LPP: variants seen among roughly 807,000 people sequenced by gnomAD.
LPP encodes the protein LIM domain containing preferred translocation partner in lipoma.
In LPP, 38 loss-of-function variants were observed where a neutral mutation model predicts 60.4. That is an observed-to-expected ratio of 0.63 (90% CI 0.49 to 0.83). The LOEUF is 0.83. Among genes scored for constraint, LPP ranks in the 40% least tolerant of loss-of-function variants. LPP has a pLI of 0.00. For missense variants in LPP, 902 were observed against 783.6 expected, an observed-to-expected ratio of 1.15 and a Z score of -1.80; for synonymous variants, 328 against 290.8, an observed-to-expected ratio of 1.13 and a Z score of -1.30.
intron 8 of LPP, among the ~76,000 whole-genome samples, chr3:188,742,552 A>T (rs920062871): frequency 6.6e-6 from 1 of 152,112 alleles, no homozygotes; most frequent in Non-Finnish European, 1.5e-5. Context: ...CTCCACCCCT[A>T]AAAAAGACTG....
chr3:188,514,767 C>A (rs1816844743), intron 5 of LPP, among the ~76,000 whole-genome samples: 1 of 152,120 alleles, frequency 6.6e-6, no homozygotes, highest in Non-Finnish European at 1.5e-5. Flanking sequence ...GTTTTTCAGT[C>A]CAAACGCATA....
intron 2 of LPP, among the ~76,000 whole-genome samples, chr3:188,243,392 T>C (rs1725683639): frequency 6.6e-6 from 1 of 152,166 alleles, no homozygotes; most frequent in Non-Finnish European, 1.5e-5. Flanking sequence ...CTGTTGAGTA[T>C]TGATAGGAAA....
intron 4 of LPP, among the ~76,000 whole-genome samples, chr3:188,479,976 A>T (rs1034448533): frequency 2.6e-5 from 4 of 152,180 alleles, no homozygotes; most frequent in African/African-American, 7.2e-5. Flanking sequence ...TTTGTTTCAT[A>T]AAGGGCTAAG....
chr3:188,486,461 G>A (rs1013544799), intron 5 of LPP, among the ~76,000 whole-genome samples: 1 of 152,116 alleles, frequency 6.6e-6, no homozygotes, highest in African/African-American at 2.4e-5. Context: ...CAGGGAGGGG[G>A]TCAAGGCTTA....
At chr3:188,243,179 A>G (rs1236302666) in intron 2 of LPP, among the ~76,000 whole-genome samples, 10 of 152,206 alleles carry the variant, frequency 6.6e-5, no homozygotes, top group Admixed American at 5.9e-4. Flanking sequence ...CAACCTGACA[A>G]AAACTCCTAT....
intron 9 of LPP, among the ~76,000 whole-genome samples, chr3:188,863,999 A>T (rs938821307): frequency 6.6e-6 from 1 of 150,536 alleles, no homozygotes; most frequent in Admixed American, 6.6e-5. Context: ...GGAGCAAAAC[A>T]CAAGTCCTGG....
intron 6 of LPP, among the ~76,000 whole-genome samples, chr3:188,591,712 A>G (rs932329840): frequency 1.3e-5 from 2 of 152,178 alleles, no homozygotes; most frequent in Non-Finnish European, 2.9e-5. Flanking sequence ...CTGTCATTCT[A>G]CAATTGAGTT....
intron 3 of LPP, among the ~76,000 whole-genome samples, chr3:188,374,925 G>A (rs948886077): frequency 1.7e-4 from 26 of 152,046 alleles, no homozygotes; most frequent in Non-Finnish European, 3.2e-4. Context: ...AAGCGTTGTT[G>A]AATTTTGTCA....
intron 4 of LPP, among the ~76,000 whole-genome samples, chr3:188,477,389 G>A (rs375916898): frequency 6.6e-6 from 1 of 152,190 alleles, no homozygotes; most frequent in South Asian, 2.1e-4. Flanking sequence ...GAGAAGGGCA[G>A]AGTGGGACAG....
At chr3:188,512,212 C>A (rs1203534489) in intron 5 of LPP, among the ~76,000 whole-genome samples, 2 of 152,268 alleles carry the variant, frequency 1.3e-5, no homozygotes, top group South Asian at 4.1e-4. Flanking sequence ...CTTTTATCTG[C>A]ACATCCTCAT....
At chr3:188,708,543 T>A in intron 8 of LPP, 150 bp downstream of exon 8, 1 of 1,075,690 alleles carries the variant, frequency 9.3e-7, no homozygotes, top group Non-Finnish European at 1.4e-6. Context: ...TAAGTAATTG[T>A]AGGATTTGCA....
chr3:188,643,139 C>T (rs969367259), intron 7 of LPP, among the ~76,000 whole-genome samples: 1 of 152,206 alleles, frequency 6.6e-6, no homozygotes, highest in South Asian at 2.1e-4. Context: ...ATGTTTAGAG[C>T]TAGAAATTGA....
chr3:188,521,524 C>G (rs1818865774), intron 5 of LPP, among the ~76,000 whole-genome samples: 1 of 152,114 alleles, frequency 6.6e-6, no homozygotes, highest in Non-Finnish European at 1.5e-5. Flanking sequence ...AATCCTGTCT[C>G]TTTACTAATA....
chr3:188,709,388 G>T (rs1866146704), intron 8 of LPP: 3 of 151,958 alleles, frequency 2.0e-5, no homozygotes, highest in Admixed American at 2.0e-4. Context: ...ACAGAGCCTT[G>T]CTCTGTCACC....
rs989276270 is a variant in LPP at position 188,225,501 on chromosome 3, C to G, written c.-93C>G. The G allele has an allele frequency of 6.6e-6, 1 of 152,182 alleles. No individual in the cohort carries two copies. Among genetic ancestry groups the G allele is most frequent in the Non-Finnish European group, 1.5e-5 (1 of 68,032 alleles). The allele number at this position is 152,182 out of a possible 1,614,324, so 9.4% of individuals were successfully genotyped here. A position where few individuals can be genotyped will look rare whatever the true frequency, so the allele number is the denominator to read the frequency against. Reference sequence around the variant, plus strand: ...TTTCATTGTTCCACTGGACGCTCATCAGAGGGAAGATCTTTTTCCTCAATT... The same window carrying G: ...TTTCATTGTTCCACTGGACGCTCATGAGAGGGAAGATCTTTTTCCTCAATT... On this transcript the variant is annotated 5_prime_UTR_variant, in exon 2 of 12. It adds an upstream start codon to the 5' untranslated region. Coordinates refer to ENST00000617246, the MANE Select transcript of LPP (RefSeq NM_001375462.1).
intron 3 of LPP, among the ~76,000 whole-genome samples, chr3:188,348,871 T>G (rs1765097663): frequency 2.0e-5 from 3 of 149,046 alleles, no homozygotes; most frequent in Admixed American, 6.7e-5. Flanking sequence ...TACCATGCCT[T>G]GAGATAGCGG....
At chr3:188,177,990 C>T (rs1245082364) in intron 1 of LPP, among the ~76,000 whole-genome samples, 6 of 152,154 alleles carry the variant, frequency 3.9e-5, no homozygotes, top group African/African-American at 7.2e-5. Context: ...CTTTCTCATC[C>T]ATAGAGGTTT....
chr3:188,781,373 T>C (rs1432957200), intron 9 of LPP, among the ~76,000 whole-genome samples: 3 of 152,118 alleles, frequency 2.0e-5, no homozygotes, highest in Non-Finnish European at 4.4e-5. Context: ...CTTATAGTGG[T>C]CTTTCCAACA....
intron 5 of LPP, among the ~76,000 whole-genome samples, chr3:188,497,963 C>A (rs974265305): frequency 5.9e-5 from 9 of 152,252 alleles, no homozygotes; most frequent in African/African-American, 2.2e-4. Flanking sequence ...CCCCTTAACA[C>A]CCACTGTGTT....
Sources: gnomAD v4.1 joint callset for allele counts (sites outside exome capture counted in the v4.1 genomes callset) on GRCh38, gnomAD v4.1.1 for gene constraint, MANE v1.5 for transcripts, NCBI Gene and HGNC (gene_info 2026-07-23, HGNC 2026-07-21) for gene names.